ZBTB43: variants seen among roughly 807,000 people sequenced by gnomAD.
The protein encoded by ZBTB43 is zinc finger and BTB domain containing 43, also known as zinc finger and BTB domain-containing protein 43.
ZBTB43 carries 6 observed loss-of-function variants against 31.1 expected under a neutral mutation model. The ratio of observed to expected loss-of-function variants is 0.19; its 90% CI spans 0.11 to 0.38. The LOEUF is 0.38. ZBTB43 is among the 10% of genes least tolerant of loss of function. ZBTB43 has a pLI of 1.00. For missense variants in ZBTB43, 379 were observed against 602.1 expected, an observed-to-expected ratio of 0.63 and a Z score of 3.88; for synonymous variants, 212 against 221.7, an observed-to-expected ratio of 0.96 and a Z score of 0.39.
At chr9:126,826,107 G>A (rs1486987159) in intron 2 of ZBTB43, among the ~76,000 whole-genome samples, 12 of 149,276 alleles carry the variant, frequency 8.0e-5, no homozygotes, top group Non-Finnish European at 1.2e-4. Context: ...TCCACCTCCC[G>A]GGTTCAAGCA....
chr9:126,829,491 A>G (rs371566138), intron 2 of ZBTB43, among the ~76,000 whole-genome samples: 39 of 152,202 alleles, frequency 2.6e-4, no homozygotes, highest in African/African-American at 8.9e-4. Flanking sequence ...TTTTTGTGCT[A>G]ATGTGGGAAG....
chr9:126,810,428 A>G (rs964277963), intron 2 of ZBTB43, among the ~76,000 whole-genome samples: 11 of 147,166 alleles, frequency 7.5e-5, no homozygotes, highest in African/African-American at 2.5e-4. Context: ...TCCTGACCAC[A>G]GGTGATCCAC....
intron 2 of ZBTB43, among the ~76,000 whole-genome samples, chr9:126,813,251 A>T (rs1199204238): frequency 6.6e-6 from 1 of 152,080 alleles, no homozygotes; most frequent in African/African-American, 2.4e-5. Context: ...AAATGCTGGG[A>T]TAAAAGACGT....
intron 2 of ZBTB43, among the ~76,000 whole-genome samples, chr9:126,814,801 A>C (rs1019562644): frequency 1.3e-5 from 2 of 152,140 alleles, no homozygotes; most frequent in Admixed American, 6.6e-5. Context: ...TAAAAAAGAA[A>C]GAAAGAAAGA....
At chr9:126,809,764 G>A (rs1393127959) in intron 2 of ZBTB43, among the ~76,000 whole-genome samples, 1 of 152,084 alleles carries the variant, frequency 6.6e-6, no homozygotes, top group Non-Finnish European at 1.5e-5. Context: ...GCTGGCATCG[G>A]TGTGTTTGTT....
chr9:126,830,514 A>G (rs2032742590), intron 2 of ZBTB43, among the ~76,000 whole-genome samples: 1 of 152,142 alleles, frequency 6.6e-6, no homozygotes, highest in African/African-American at 2.4e-5. Flanking sequence ...ATGTGGTAGT[A>G]GTGCATGCCT....
At chr9:126,813,049 C>T (rs1261213928) in intron 2 of ZBTB43, among the ~76,000 whole-genome samples, 3 of 151,190 alleles carry the variant, frequency 2.0e-5, no homozygotes, top group South Asian at 2.1e-4. Context: ...GGCATGATCT[C>T]GGCTCACTGC....
At chr9:126,832,372 G>T (rs376815314) in intron 2 of ZBTB43, 115 bp from the exon 3 acceptor site, 1 of 968,432 alleles carries the variant, frequency 1.0e-6, no homozygotes. Flanking sequence ...ACCCAGTGGG[G>T]CCCATAGGCT....
chr9:126,809,565 A>G (rs2032197670), intron 2 of ZBTB43, among the ~76,000 whole-genome samples: 1 of 152,154 alleles, frequency 6.6e-6, no homozygotes, highest in Non-Finnish European at 1.5e-5. Context: ...AGGATGTTTA[A>G]TAGGTGTTTA....
At chr9:126,809,730 C>T (rs1423278926) in intron 2 of ZBTB43, among the ~76,000 whole-genome samples, 3 of 152,062 alleles carry the variant, frequency 2.0e-5, no homozygotes, top group Non-Finnish European at 4.4e-5. Flanking sequence ...AGCCAAATAG[C>T]TTTTAAGAAG....
Position 126,835,093 on chromosome 9 carries a change from C to T in ZBTB43, c.*1180C>T, listed in dbSNP as rs1427969468. ...GTACACTGAGCTAATACTACCAGTT[C>T]TTTATGAGCACTGGAATGTGTTTGT... On this transcript the variant is annotated 3_prime_UTR_variant, in exon 3 of 3. Coordinates refer to ENST00000373464, the MANE Select transcript of ZBTB43 (RefSeq NM_014007.4). The T allele has an allele frequency of 1.2e-5, 2 of 167,128 alleles. No individual in the cohort carries two copies. Among genetic ancestry groups the T allele is most frequent in the Non-Finnish European group, 1.5e-5 (1 of 68,096 alleles). The allele number at this position is 167,128 out of a possible 1,614,324, so 10.4% of individuals were successfully genotyped here. A position where few individuals can be genotyped will look rare whatever the true frequency, so the allele number is the denominator to read the frequency against.
rs571601069 is a variant in ZBTB43, at chr9:126,805,047, T to C, written c.-232T>C. 6.6e-6 allele frequency: 1 copy of C among 152,528 alleles called. No homozygotes were observed. The highest frequency in any genetic ancestry group is 2.1e-4 in the South Asian group (1 of 4,832). 9.4% of individuals were successfully genotyped at this position (152,528 alleles called of 1,614,324 possible). A position where few individuals can be genotyped will look rare whatever the true frequency, so the allele number is the denominator to read the frequency against. ...GGGCTGAAGGCACAGGCTGAATCTG[T>C]TGCGGCAGCTGAGGCTACAACAGGC... is the stretch of plus-strand genomic sequence containing the variant. On this transcript the variant is annotated 5_prime_UTR_variant, in exon 1 of 3. Coordinates refer to ENST00000373464, the MANE Select transcript of ZBTB43 (RefSeq NM_014007.4).
intron 1 of ZBTB43, among the ~76,000 whole-genome samples, chr9:126,807,760 C>T (rs1479265975): frequency 2.0e-5 from 3 of 152,128 alleles, no homozygotes; most frequent in East Asian, 1.9e-4. Context: ...TTCAACCTCC[C>T]GAGTAGCTGG....
At chr9:126,829,265 T>C (rs1564206517) in intron 2 of ZBTB43, among the ~76,000 whole-genome samples, 1 of 152,202 alleles carries the variant, frequency 6.6e-6, no homozygotes. Flanking sequence ...CTATGTCAAA[T>C]GCACAGCCCC....
chr9:126,821,588 T>C (rs1357489095), intron 2 of ZBTB43, among the ~76,000 whole-genome samples: 1 of 151,932 alleles, frequency 6.6e-6, no homozygotes, highest in African/African-American at 2.4e-5. Flanking sequence ...GCAAGAGAAA[T>C]AGAATTAGAA....
At chr9:126,830,210 A>T (rs2032735150) in intron 2 of ZBTB43, among the ~76,000 whole-genome samples, 1 of 152,242 alleles carries the variant, frequency 6.6e-6, no homozygotes, top group Admixed American at 6.5e-5. Flanking sequence ...AATTATAAAG[A>T]TTAAGTGGGA....
At chr9:126,830,463 G>A (rs759577120) in intron 2 of ZBTB43, among the ~76,000 whole-genome samples, 1 of 152,182 alleles carries the variant, frequency 6.6e-6, no homozygotes, top group Admixed American at 6.5e-5. Context: ...TGGACAACGT[G>A]GCGAAACCCT....
At chr9:126,811,979 G>GT (rs113608944) in intron 2 of ZBTB43, among the ~76,000 whole-genome samples, 2,152 of 149,022 alleles carry the variant, frequency 0.014, 53 homozygotes, top group African/African-American at 0.049. Flanking sequence ...TAATAAAGAG[G>GT]TTTTTTTTTT....
chr9:126,810,795 G>C (rs2119111007), intron 2 of ZBTB43, among the ~76,000 whole-genome samples: 1 of 151,904 alleles, frequency 6.6e-6, no homozygotes, highest in Middle Eastern at 3.4e-3. Flanking sequence ...GAGCCACCAT[G>C]CCTGGCTTGG....
Sources: allele counts gnomAD v4.1 joint callset (sites outside exome capture counted in the v4.1 genomes callset), GRCh38; gene constraint gnomAD v4.1.1; transcripts MANE v1.5; gene names NCBI Gene and HGNC (gene_info 2026-07-23, HGNC 2026-07-21).